The following ARL11 variants were observed in gnomAD, a reference collection of about 807,000 sequenced individuals.
ARL11 encodes the protein ARF like GTPase 11.
For synonymous variants in ARL11, 91 were observed against 111.2 expected, an observed-to-expected ratio of 0.82 and a Z score of 1.15; for missense variants, 239 against 250.6, an observed-to-expected ratio of 0.95 and a Z score of 0.31.
rs747842606 is a variant in ARL11, at chr13:49,632,770, C to T, written c.*1732C>T. On this transcript the variant is annotated 3_prime_UTR_variant, in exon 2 of 2. Transcript: ENST00000282026. ...TCCTAAAATCTGAGATCTGCCAGGC[C>T]CCTCTTCTAACACCAGGTTAGGCAT... The T allele has an allele frequency of 3.0e-5, 5 of 167,096 alleles. No homozygotes were observed. The highest frequency in any genetic ancestry group is 9.6e-5 in the African/African-American group (4 of 41,452). The allele number at this position is 167,096 out of a possible 1,614,324, so 10.4% of individuals were successfully genotyped here.
chr13:49,631,015 C>A lies in ARL11; in HGVS notation c.568C>A (p.Arg190Ser). The change falls in exon 2 of 2, where the codon CGC becomes AGC. Residue 190 changes from arginine to serine, a missense_variant. Coordinates refer to ENST00000282026, the MANE Select transcript of ARL11 (RefSeq NM_138450.6). ...CLQARAHGAE[R>S]GDSKRS ...GCAGGCGAGAGCCCATGGGGCTGAGCGCGGAGACAGCAAGAGATCTTGATC... is the reference window on the plus strand; with the variant it reads ...GCAGGCGAGAGCCCATGGGGCTGAGAGCGGAGACAGCAAGAGATCTTGATC... The A allele has an allele frequency of 1.3e-6, 2 of 1,591,496 alleles. No homozygotes were observed. The highest frequency in any genetic ancestry group is 1.7e-6 in the Non-Finnish European group (2 of 1,168,356).
intron 1 of ARL11, chr13:49,630,025 A>G (rs1438815583): frequency 1.3e-5 from 2 of 156,684 alleles, no homozygotes; most frequent in Non-Finnish European, 2.8e-5. Flanking sequence ...CTTTGCTTTA[A>G]CTCCTCAGGA....
rs369303916 is a variant in ARL11, at chr13:49,631,015, C to T, written c.568C>T (p.Arg190Cys). The T allele has an allele frequency of 4.7e-5, 74 of 1,591,378 alleles. No homozygotes were observed. Among genetic ancestry groups the T allele is most frequent in the African/African-American group, 3.0e-4 (22 of 74,350 alleles). The change falls in exon 2 of 2, where the codon CGC (arginine) becomes TGC (cysteine). Residue 190 changes from arginine (R) to cysteine (C), a missense_variant. Arg to Cys is a radical substitution (Grantham distance 180). Transcript: ENST00000282026. ...CLQARAHGAE[R>C]GDSKRS ...GCAGGCGAGAGCCCATGGGGCTGAG[C>T]GCGGAGACAGCAAGAGATCTTGATC...
At chr13:49,629,206 T>C (rs1964854811) in intron 1 of ARL11, among the ~76,000 whole-genome samples, 1 of 152,078 alleles carries the variant, frequency 6.6e-6, no homozygotes, top group African/African-American at 2.4e-5. Flanking sequence ...GAGGCTGCAG[T>C]GAGCTGTGAT....
At position 49,630,643 on chromosome 13, in the gene ARL11, G is replaced by A. The variant is rs778840264; in HGVS notation, c.196G>A (p.Gly66Arg). The A allele has an allele frequency of 6.2e-7, 1 of 1,614,168 alleles. No individual in the cohort carries two copies. Among genetic ancestry groups the A allele is most frequent in the Admixed American group, 1.7e-5 (1 of 60,008 alleles). ...GTCACTGACTCTCTGGGACGTTGGG[G>A]GGCAGGCCCCGCTCAGAGCCAGCTG... is the stretch of plus-strand genomic sequence containing the variant. ...HVSLTLWDVGGQAPLRASWKD... is the reference protein window; with the variant it reads ...HVSLTLWDVGRQAPLRASWKD... The change falls in exon 2 of 2, where the codon GGG becomes AGG. Residue 66 changes from glycine to arginine, a missense_variant. Transcript: ENST00000282026.
In ARL11 at chr13:49,631,112, T is replaced by TCTATCAAACAAGAAATG; in HGVS notation, c.*77_*93dup. 7.2e-7 allele frequency: 1 copy of TCTATCAAACAAGAAATG among 1,381,086 alleles called. No homozygotes were observed. The highest frequency in any genetic ancestry group is 2.6e-5 in the East Asian group (1 of 39,166). 85.6% of individuals were successfully genotyped at this position (1,381,086 alleles called of 1,614,324 possible). A position where few individuals can be genotyped will look rare whatever the true frequency, so the allele number is the denominator to read the frequency against. On this transcript the variant is annotated 3_prime_UTR_variant, in exon 2 of 2. Transcript: ENST00000282026. ...TGATCCTTGAGAAATTTACGCTTAGTCTATCAAACAAGAAATGCTGGCTTG... is the reference window on the plus strand; with the variant it reads ...TGATCCTTGAGAAATTTACGCTTAGTCTATCAAACAAGAAATGCTATCAAACAAGAAATGCTGGCTTG...
chr13:49,629,309 A>G (rs1964856702), intron 1 of ARL11, among the ~76,000 whole-genome samples: 1 of 152,160 alleles, frequency 6.6e-6, no homozygotes, highest in Non-Finnish European at 1.5e-5. Flanking sequence ...AAAACAAACA[A>G]AAAAGCACAT....
chr13:49,629,627 G>A (rs9316470), intron 1 of ARL11, among the ~76,000 whole-genome samples: 22,787 of 152,202 alleles, frequency 0.15, 1,863 homozygotes, highest in South Asian at 0.27. Context: ...ATGCTGTACC[G>A]GTGTGTAGCC....
In ARL11 at chr13:49,631,725, T is replaced by G. The variant is rs886797370; in HGVS notation, c.*687T>G. The stretch of plus-strand genomic sequence containing the variant: ...AGTGGTGCACGCCTGCAGTCCCAGC[T>G]ACTCAGGAGGTTGAGGCAGAAGAAT... On this transcript the variant is annotated 3_prime_UTR_variant, in exon 2 of 2. Transcript: ENST00000282026. 1.2e-5 allele frequency: 2 copies of G among 165,516 alleles called. No individual in the cohort carries two copies. Among genetic ancestry groups the G allele is most frequent in the African/African-American group, 4.8e-5 (2 of 41,354 alleles). 10.3% of individuals were successfully genotyped at this position (165,516 alleles called of 1,614,324 possible). A position where few individuals can be genotyped will look rare whatever the true frequency, so the allele number is the denominator to read the frequency against.
intron 1 of ARL11, among the ~76,000 whole-genome samples, chr13:49,629,693 C>A (rs995501459): frequency 6.6e-6 from 1 of 152,308 alleles, no homozygotes; most frequent in Non-Finnish European, 1.5e-5. Context: ...AGACCATCCA[C>A]GTTTGTGTAA....
chr13:49,630,639 TG>T lies in ARL11; in HGVS notation c.198del (p.Gln67ArgfsTer41), dbSNP rs1324509298. 6.2e-7 allele frequency: 1 copy of T among 1,614,102 alleles called. No individual in the cohort carries two copies. Among genetic ancestry groups the T allele is most frequent in the Non-Finnish European group, 8.5e-7 (1 of 1,180,026 alleles). ...ACGTGTCACTGACTCTCTGGGACGT[TG>T]GGGGGCAGGCCCCGCTCAGAGCCAG... ...GHVSLTLWDV[G>X]GQAPLRASWK... On this transcript the variant is annotated frameshift_variant, in exon 2 of 2. Coordinates refer to ENST00000282026, the MANE Select transcript of ARL11 (RefSeq NM_138450.6). LOFTEE classifies it low-confidence loss of function (END_TRUNC).
In ARL11 at chr13:49,630,588, C is replaced by T. The variant is rs751269133; in HGVS notation, c.141C>T (p.Asn47=). The part of the protein sequence containing the change: ...LVETLPTVGF[N]VEPLKAPGHV... ...AGACCCTGCCCACTGTTGGTTTCAACGTGGAGCCTCTGAAAGCTCCTGGGC... is the reference window on the plus strand; with the variant it reads ...AGACCCTGCCCACTGTTGGTTTCAATGTGGAGCCTCTGAAAGCTCCTGGGC... The change falls in exon 2 of 2, where the codon AAC becomes AAT. Residue 47 remains asparagine (N), a synonymous_variant. Coordinates refer to ENST00000282026, the MANE Select transcript of ARL11 (RefSeq NM_138450.6). 1.2e-5 allele frequency: 20 copies of T among 1,613,996 alleles called. No individual in the cohort carries two copies. Among genetic ancestry groups the T allele is most frequent in the Admixed American group, 6.7e-5 (4 of 59,986 alleles).
In ARL11 at chr13:49,630,706, G is replaced by A. The variant is rs370030859; in HGVS notation, c.259G>A (p.Val87Met). 19 of 1,614,032 alleles carry A rather than the reference G, an allele frequency of 1.2e-5. No individual in the cohort carries two copies. The highest frequency in any genetic ancestry group is 8.0e-5 in the African/African-American group (6 of 74,922). The change falls in exon 2 of 2, where the codon GTG becomes ATG. Residue 87 changes from valine (V) to methionine (M), a missense_variant. Transcript: ENST00000282026. ...YLEGTDILVY[V>M]LDSTDEARLP... ...GGAAGGCACAGATATCCTCGTGTACGTGCTGGACAGCACAGATGAAGCCCG... is the reference window on the plus strand; with the variant it reads ...GGAAGGCACAGATATCCTCGTGTACATGCTGGACAGCACAGATGAAGCCCG...
At position 49,631,907 on chromosome 13, in the gene ARL11, G is replaced by C. The variant is rs1183108883; in HGVS notation, c.*869G>C. 6.0e-6 allele frequency: 1 copy of C among 167,002 alleles called. No individual in the cohort carries two copies. Among genetic ancestry groups the C allele is most frequent in the Non-Finnish European group, 1.5e-5 (1 of 68,118 alleles). The allele number at this position is 167,002 out of a possible 1,614,324, so 10.3% of individuals were successfully genotyped here. A position where few individuals can be genotyped will look rare whatever the true frequency, so the allele number is the denominator to read the frequency against. On this transcript the variant is annotated 3_prime_UTR_variant, in exon 2 of 2. Coordinates refer to ENST00000282026, the MANE Select transcript of ARL11 (RefSeq NM_138450.6). ...CACAATGGATCGCGGATCCTTATGA[G>C]TGATTTTCCCCAGTGGCCCCTGGGG...
chr13:49,630,705 C>T lies in ARL11; in HGVS notation c.258C>T (p.Tyr86=), dbSNP rs377295532. The change falls in exon 2 of 2, where the codon TAC becomes TAT. Residue 86 remains tyrosine, a synonymous_variant. Transcript: ENST00000282026. ...DYLEGTDILV[Y]VLDSTDEARL... Reference sequence around the variant, plus strand: ...TGGAAGGCACAGATATCCTCGTGTACGTGCTGGACAGCACAGATGAAGCCC... The same window carrying T: ...TGGAAGGCACAGATATCCTCGTGTATGTGCTGGACAGCACAGATGAAGCCC... The T allele has an allele frequency of 5.8e-5, 93 of 1,614,028 alleles. No homozygotes were observed. Among genetic ancestry groups the T allele is most frequent in the African/African-American group, 4.4e-4 (33 of 74,926 alleles).
At position 49,630,606 on chromosome 13, in the gene ARL11, T is replaced by C; in HGVS notation, c.159T>C (p.Ala53=). ...TVGFNVEPLK[A]PGHVSLTLWD... Reference sequence around the variant, plus strand: ...GTTTCAACGTGGAGCCTCTGAAAGCTCCTGGGCACGTGTCACTGACTCTCT... The same window carrying C: ...GTTTCAACGTGGAGCCTCTGAAAGCCCCTGGGCACGTGTCACTGACTCTCT... Residue 53 remains alanine, a synonymous_variant, in exon 2 of 2, where the codon GCT becomes GCC. Coordinates refer to ENST00000282026, the MANE Select transcript of ARL11 (RefSeq NM_138450.6). 1 of 1,613,984 alleles carries C rather than the reference T, an allele frequency of 6.2e-7. No individual in the cohort carries two copies. The highest frequency in any genetic ancestry group is 1.3e-5 in the African/African-American group (1 of 74,986).
chr13:49,631,040 C>T lies in ARL11; in HGVS notation c.*2C>T, dbSNP rs758452389. On this transcript the variant is annotated 3_prime_UTR_variant, in exon 2 of 2. Coordinates refer to ENST00000282026, the MANE Select transcript of ARL11 (RefSeq NM_138450.6). ...CGCGGAGACAGCAAGAGATCTTGAT[C>T]CAGACAGAGCAGCATATCTTTGCTC... 1 of 1,554,040 alleles carries T rather than the reference C, an allele frequency of 6.4e-7. No individual in the cohort carries two copies. Among genetic ancestry groups the T allele is most frequent in the Non-Finnish European group, 8.7e-7 (1 of 1,146,410 alleles).
chr13:49,631,111 G>A lies in ARL11; in HGVS notation c.*73G>A. On this transcript the variant is annotated 3_prime_UTR_variant, in exon 2 of 2. Transcript: ENST00000282026. ...CTGATCCTTGAGAAATTTACGCTTA[G>A]TCTATCAAACAAGAAATGCTGGCTT... The A allele has an allele frequency of 7.2e-7, 1 of 1,388,998 alleles. No individual in the cohort carries two copies. Among genetic ancestry groups the A allele is most frequent in the South Asian group, 1.4e-5 (1 of 71,030 alleles). The allele number at this position is 1,388,998 out of a possible 1,614,324, so 86.0% of individuals were successfully genotyped here.
Position 49,631,319 on chromosome 13 carries a change from C to T in ARL11, c.*281C>T, listed in dbSNP as rs1333010293. On this transcript the variant is annotated 3_prime_UTR_variant, in exon 2 of 2. Transcript: ENST00000282026. ...ACTTGGGAGGCTGAGGCAGGAGAAT[C>T]GCTTGAGCCCAAGAGGTAGAGGTTG... 2 of 273,036 alleles carry T rather than the reference C, an allele frequency of 7.3e-6. No homozygotes were observed. The highest frequency in any genetic ancestry group is 6.5e-5 in the South Asian group (1 of 15,288). 16.9% of individuals were successfully genotyped at this position (273,036 alleles called of 1,614,324 possible).
Sources: allele counts gnomAD v4.1 joint callset (sites outside exome capture counted in the v4.1 genomes callset), GRCh38; gene constraint gnomAD v4.1.1; transcripts MANE v1.5; gene names NCBI Gene and HGNC (gene_info 2026-07-23, HGNC 2026-07-21).